Variants in BPIFA1 observed in about 807,000 individuals in gnomAD.
BPIFA1 encodes BPI fold containing family A member 1.
BPIFA1 carries 24 observed loss-of-function variants against 25.1 expected under a neutral mutation model. The observed-to-expected ratio is 0.96, with a 90% CI of 0.69 to 1.35. BPIFA1 has a LOEUF of 1.35. Among genes scored for constraint, BPIFA1 ranks in the 40% most tolerant of loss-of-function variants. The pLI is 0.00. For synonymous variants in BPIFA1, 139 were observed against 131.8 expected (o/e 1.05, Z -0.37); for missense variants, 344 against 303.7 (o/e 1.13, Z -0.99).
In BPIFA1 at chr20:33,242,220, G is replaced by A. The variant is rs192693246; in HGVS notation, c.730+101G>A. The A allele has an allele frequency of 5.6e-6, 7 of 1,244,820 alleles. No homozygotes were observed. The East Asian group carries it at 1.7e-4, about 29-fold the overall frequency. 77.1% of individuals were successfully genotyped at this position (1,244,820 alleles called of 1,614,324 possible). A position where few individuals can be genotyped will look rare whatever the true frequency, so the allele number is the denominator to read the frequency against. On this transcript the variant is annotated intron_variant, in intron 7 of 8. Coordinates refer to ENST00000354297, the MANE Select transcript of BPIFA1 (RefSeq NM_130852.3). ...CACCCTAGGATACTAGGTCCCTCTG[G>A]CCTCAACTCTCTCTATTTTGGGCTT...
At chr20:33,240,034 T>C (rs543084602) in intron 4 of BPIFA1, 124 bp downstream of exon 4, 34 of 1,332,404 alleles carry the variant, frequency 2.6e-5, no homozygotes, top group East Asian at 9.2e-5. Flanking sequence ...GCTCATTTGC[T>C]GCTATGCTAA....
chr20:33,236,686 A>G (rs956788068), intron 1 of BPIFA1, among the ~76,000 whole-genome samples: 2 of 152,124 alleles, frequency 1.3e-5, no homozygotes, highest in African/African-American at 4.8e-5. Context: ...GTTGACCGGA[A>G]TTCCATCCAG....
At chr20:33,237,434 T>C (rs1242757839) in intron 1 of BPIFA1, among the ~76,000 whole-genome samples, 1 of 152,168 alleles carries the variant, frequency 6.6e-6, no homozygotes, top group Non-Finnish European at 1.5e-5. Context: ...GCTGTCTCCT[T>C]TTTAGGCCCC....
Sources: allele counts gnomAD v4.1 joint callset (sites outside exome capture counted in the v4.1 genomes callset), GRCh38; gene constraint gnomAD v4.1.1; transcripts MANE v1.5; gene names NCBI Gene and HGNC (gene_info 2026-07-23, HGNC 2026-07-21).